The following ZBTB20 variants were observed in gnomAD, a reference collection of about 807,000 sequenced individuals.
The protein encoded by ZBTB20 is zinc finger and BTB domain containing 20, also known as zinc finger and BTB domain-containing protein 20.
In ZBTB20, 9 loss-of-function variants were observed where a neutral mutation model predicts 56.9. The observed-to-expected ratio is 0.16, with a 90% CI of 0.10 to 0.28. The LOEUF (loss-of-function observed/expected upper bound fraction) is 0.28. Ranked by LOEUF, ZBTB20 falls within the 10% of genes least tolerant of loss-of-function variation. The pLI is 1.00. For missense variants in ZBTB20, 655 were observed against 1,003.0 expected, an observed-to-expected ratio of 0.65 and a Z score of 4.69; for synonymous variants, 417 against 420.7, an observed-to-expected ratio of 0.99 and a Z score of 0.11.
chr3:114,679,038 A>C (rs77858206), intron 6 of ZBTB20, among the ~76,000 whole-genome samples: 355 of 152,276 alleles, frequency 2.3e-3, no homozygotes, highest in Non-Finnish European at 4.1e-3. Flanking sequence ...AGGTATCATA[A>C]TCTTTGTCTC....
At chr3:114,651,983 C>T (rs555123337) in intron 6 of ZBTB20, among the ~76,000 whole-genome samples, 12 of 151,938 alleles carry the variant, frequency 7.9e-5, no homozygotes, top group Non-Finnish European at 1.3e-4. Flanking sequence ...AGATGAAGCA[C>T]TTCAGGTGAG....
intron 3 of ZBTB20, among the ~76,000 whole-genome samples, chr3:114,964,758 G>T (rs191457217): frequency 1.3e-5 from 2 of 152,054 alleles, no homozygotes; most frequent in African/African-American, 4.8e-5. Flanking sequence ...GACTGAGACC[G>T]AATTAAGAAT....
chr3:115,037,281 G>A (rs754660258), intron 2 of ZBTB20, among the ~76,000 whole-genome samples: 6 of 151,896 alleles, frequency 4.0e-5, no homozygotes, highest in African/African-American at 1.5e-4. Flanking sequence ...GAAATTTTTG[G>A]GGGGGGCGGA....
chr3:115,041,450 A>G (rs2081138878), intron 2 of ZBTB20, among the ~76,000 whole-genome samples: 1 of 152,182 alleles, frequency 6.6e-6, no homozygotes, highest in African/African-American at 2.4e-5. Context: ...CTGAAAAACA[A>G]TTGGGAACTA....
intron 2 of ZBTB20, among the ~76,000 whole-genome samples, chr3:115,011,045 G>T (rs1300753323): frequency 6.6e-6 from 1 of 151,798 alleles, no homozygotes; most frequent in Admixed American, 6.6e-5. Context: ...CAGCAGAATG[G>T]ATCAAGCGGA....
At chr3:114,719,596 T>C (rs2064762951) in intron 5 of ZBTB20, among the ~76,000 whole-genome samples, 2 of 152,260 alleles carry the variant, frequency 1.3e-5, no homozygotes, top group Middle Eastern at 3.4e-3. Context: ...TATCTAACTG[T>C]CCATCAATTC....
At chr3:114,600,945 T>C (rs1300530966) in intron 6 of ZBTB20, among the ~76,000 whole-genome samples, 2 of 151,456 alleles carry the variant, frequency 1.3e-5, no homozygotes, top group African/African-American at 2.4e-5. Flanking sequence ...GACTTACTCT[T>C]AAATTAATGC....
chr3:114,968,776 T>C (rs555917280), intron 3 of ZBTB20, among the ~76,000 whole-genome samples: 6 of 152,302 alleles, frequency 3.9e-5, no homozygotes, highest in Middle Eastern at 3.4e-3. Flanking sequence ...AATATTCCAA[T>C]CTGAGATTTT....
chr3:115,125,937 G>C (rs955664327), intron 1 of ZBTB20, among the ~76,000 whole-genome samples: 2 of 151,900 alleles, frequency 1.3e-5, no homozygotes, highest in Non-Finnish European at 2.9e-5. Context: ...GAAGTGAAAA[G>C]ACAAGCTACA....
chr3:114,453,305 T>C (rs1332138680), intron 7 of ZBTB20, among the ~76,000 whole-genome samples: 1 of 152,174 alleles, frequency 6.6e-6, no homozygotes, highest in Non-Finnish European at 1.5e-5. Flanking sequence ...GAAATCTCTC[T>C]GGGGGTTTTG....
At chr3:114,926,468 T>G (rs943850269) in intron 3 of ZBTB20, among the ~76,000 whole-genome samples, 2 of 152,160 alleles carry the variant, frequency 1.3e-5, no homozygotes, top group Non-Finnish European at 2.9e-5. Flanking sequence ...GCAAAACTCT[T>G]GTATTATTAC....
chr3:114,916,723 T>C (rs186477193), intron 3 of ZBTB20, among the ~76,000 whole-genome samples: 188 of 152,288 alleles, frequency 1.2e-3, no homozygotes, highest in African/African-American at 3.9e-3. Flanking sequence ...TGCTACTTTT[T>C]CCTGGGCTGT....
intron 2 of ZBTB20, among the ~76,000 whole-genome samples, chr3:114,998,526 A>G (rs1175756039): frequency 6.6e-6 from 1 of 151,782 alleles, no homozygotes; most frequent in Non-Finnish European, 1.5e-5. Flanking sequence ...ATAACTGAAG[A>G]AAGAAGAGGC....
intron 6 of ZBTB20, among the ~76,000 whole-genome samples, chr3:114,572,221 AT>A (rs1327268159): frequency 1.3e-5 from 2 of 152,222 alleles, no homozygotes; most frequent in Non-Finnish European, 2.9e-5. Flanking sequence ...CTGCAGAAAA[AT>A]ATCTTGAAAG....
chr3:114,346,542 G>A (rs2080200168), intron 11 of ZBTB20, among the ~76,000 whole-genome samples: 2 of 152,000 alleles, frequency 1.3e-5, no homozygotes, highest in South Asian at 2.1e-4. Flanking sequence ...CAGTACAATC[G>A]TCTTTCATTT....
intron 6 of ZBTB20, among the ~76,000 whole-genome samples, chr3:114,651,972 T>C (rs984808781): frequency 6.6e-6 from 1 of 151,954 alleles, no homozygotes; most frequent in Non-Finnish European, 1.5e-5. Flanking sequence ...ATTAGGAAAA[T>C]AGATGAAGCA....
In ZBTB20 at chr3:115,079,066, C is replaced by T. The variant is rs79065925; in HGVS notation, c.-702-7652G>A. ...CACTATTATTCTGTTTATACTGATA[C>T]CATCATGAGTTCACATATGTTTAAT... On this transcript the variant is annotated intron_variant, in intron 1 of 11. Transcript: ENST00000675478. Among the ~76,000 whole-genome samples, 446 of 152,148 alleles carry T rather than the reference C, an allele frequency of 2.9e-3. 3 individuals carry two copies. Among genetic ancestry groups the T allele is most frequent in the African/African-American group, 0.011 (438 of 41,504 alleles).
chr3:114,372,822 C>G (rs540800232), intron 10 of ZBTB20, among the ~76,000 whole-genome samples: 8 of 152,084 alleles, frequency 5.3e-5, no homozygotes, highest in Admixed American at 5.2e-4. Context: ...CCAGCCTGGG[C>G]AACAGAGCCA....
chr3:114,818,668 G>A (rs1321903643), intron 4 of ZBTB20, among the ~76,000 whole-genome samples: 1 of 151,852 alleles, frequency 6.6e-6, no homozygotes, highest in Non-Finnish European at 1.5e-5. Context: ...AAAATAGTAT[G>A]TTAATCCACT....
Sources: allele counts gnomAD v4.1 joint callset (sites outside exome capture counted in the v4.1 genomes callset), GRCh38; gene constraint gnomAD v4.1.1; transcripts MANE v1.5; gene names NCBI Gene and HGNC (gene_info 2026-07-23, HGNC 2026-07-21).